The following C19orf18 variants were observed in gnomAD, a reference collection of about 807,000 sequenced individuals.
C19orf18 encodes uncharacterized protein C19orf18.
C19orf18 carries 21 observed loss-of-function variants against 23.3 expected under a neutral mutation model. The observed-to-expected ratio is 0.90, with a 90% CI of 0.64 to 1.30. The LOEUF (loss-of-function observed/expected upper bound fraction) is 1.30, where lower values mean the gene tolerates loss of function less well. Ranked by LOEUF, C19orf18 falls within the 50% of genes most tolerant of loss-of-function variation. The pLI, the probability that C19orf18 is intolerant of heterozygous loss-of-function variation, is 0.00. For missense variants in C19orf18, 249 were observed against 259.6 expected (o/e 0.96, Z 0.28); for synonymous variants, 96 against 95.2 (o/e 1.01, Z -0.05).
At chr19:57,969,579 A>G (rs997997923) in intron 3 of C19orf18, among the ~76,000 whole-genome samples, 5 of 126,512 alleles carry the variant, frequency 4.0e-5, no homozygotes, top group Non-Finnish European at 7.6e-5. Flanking sequence ...AAAAAAAAAA[A>G]AAAAAAAAAA....
Position 57,973,849 on chromosome 19 carries a change from T to C in C19orf18, c.226+250A>G, listed in dbSNP as rs894056141. ...GACAGGCATACCTGTGTAATCTGGATGGGATCAAGGTTTTTGTGTGCGCTT... is the reference window on the plus strand; with the variant it reads ...GACAGGCATACCTGTGTAATCTGGACGGGATCAAGGTTTTTGTGTGCGCTT... On this transcript the variant is annotated intron_variant, in intron 2 of 5. Coordinates refer to ENST00000314391, the MANE Select transcript of C19orf18 (RefSeq NM_152474.5). Among the ~76,000 whole-genome samples the C allele has an allele frequency of 3.3e-5, 5 of 152,228 alleles. No homozygotes were observed. The East Asian group carries it at 7.7e-4, about 24-fold the overall frequency.
chr19:57,960,425 CAAA>C (rs34335308), intron 5 of C19orf18, among the ~76,000 whole-genome samples: 1,794 of 94,144 alleles, frequency 0.019, 44 homozygotes, highest in African/African-American at 0.058. Context: ...GACTCCGCCT[CAAA>C]AAAAAAAAAA....
chr19:57,973,393 C>T (rs899080452), intron 2 of C19orf18, among the ~76,000 whole-genome samples: 8 of 151,932 alleles, frequency 5.3e-5, no homozygotes, highest in African/African-American at 1.9e-4. Flanking sequence ...CAAACATCCT[C>T]TAGTACTCAA....
chr19:57,962,806 G>A (rs2072882589), intron 4 of C19orf18, among the ~76,000 whole-genome samples: 1 of 151,542 alleles, frequency 6.6e-6, no homozygotes, highest in African/African-American at 2.4e-5. Context: ...GCAATGAGCT[G>A]AGATGGTGCC....
Position 57,958,594 on chromosome 19 carries a change from G to T in C19orf18, c.*8C>A. The T allele has an allele frequency of 6.4e-7, 1 of 1,568,410 alleles. No homozygotes were observed. Among genetic ancestry groups the T allele is most frequent in the Non-Finnish European group, 8.7e-7 (1 of 1,147,246 alleles). ...CTCTGCCTCAGCCGGCACCTCTGTC[G>T]TCTGCGTTCACAAGTCTTCCATTTT... On this transcript the variant is annotated 3_prime_UTR_variant, in exon 6 of 6. Coordinates refer to ENST00000314391, the MANE Select transcript of C19orf18 (RefSeq NM_152474.5).
intron 4 of C19orf18, among the ~76,000 whole-genome samples, chr19:57,965,117 T>TTTTATTTATTTA (rs59561103): frequency 0.066 from 9,669 of 145,956 alleles, 905 homozygotes; most frequent in African/African-American, 0.2. Context: ...GTTCTTTTTA[T>TTTTATTTATTTA]TTTATTTATT....
At chr19:57,968,442 T>C (rs1197812513) in intron 3 of C19orf18, among the ~76,000 whole-genome samples, 1 of 152,166 alleles carries the variant, frequency 6.6e-6, no homozygotes, top group East Asian at 1.9e-4. Flanking sequence ...AGCCTTGGCA[T>C]GGACGGTTCA....
Position 57,966,579 on chromosome 19 carries a change from C to G in C19orf18, c.322G>C (p.Ala108Pro). 1 of 1,613,408 alleles carries G rather than the reference C, an allele frequency of 6.2e-7. No individual in the cohort carries two copies. The highest frequency in any genetic ancestry group is 8.5e-7 in the Non-Finnish European group (1 of 1,179,534). Residue 108 changes from alanine (A) to proline (P), a missense_variant, in exon 4 of 6, where the codon GCC becomes CCC. Physicochemically the swap from Ala to Pro is conservative, Grantham distance 27. Transcript: ENST00000314391. ...CCACATATCAGGGCAATGCTGAAGG[C>G]TACGCTCGAAATTAAAATTACTTTA... ...LVKVILISSVAFSIALICGMA... is the reference protein window; with the variant it reads ...LVKVILISSVPFSIALICGMA...
At position 57,972,498 on chromosome 19, in the gene C19orf18, G is replaced by T. The variant is rs758741294; in HGVS notation, c.233C>A (p.Ser78Tyr). The T allele has an allele frequency of 1.2e-6, 2 of 1,614,104 alleles. No individual in the cohort carries two copies. The highest frequency in any genetic ancestry group is 2.2e-5 in the East Asian group (1 of 44,874). The change falls in exon 3 of 6, where the codon TCC (serine) becomes TAC (tyrosine). Residue 78 changes from serine to tyrosine, a missense_variant. Transcript: ENST00000314391. The stretch of plus-strand genomic sequence containing the variant: ...CAGGAATTTCATGGGGTTCGTAGGG[G>T]ATGCAGCTAAAAGGCCATCAAAGGG... ...QGAASRSTAA[S>Y]PTNPMKFLRN...
At chr19:57,971,517 C>G (rs1400356932) in intron 3 of C19orf18, among the ~76,000 whole-genome samples, 1 of 152,104 alleles carries the variant, frequency 6.6e-6, no homozygotes, top group Non-Finnish European at 1.5e-5. Flanking sequence ...GTTGCCCAGG[C>G]TAGAGTGCAG....
chr19:57,973,145 CAAAAAAAAAAAAAAAAAAAAA>C (rs61625681), intron 2 of C19orf18, among the ~76,000 whole-genome samples: 38 of 24,186 alleles, frequency 1.6e-3, no homozygotes, highest in Middle Eastern at 0.05. Flanking sequence ...GACTCCGTCT[CAAAAAAAAAAAAAAAAAAAAA>C]AAAAAAAAAA....
At chr19:57,967,117 C>T (rs1474481107) in intron 3 of C19orf18, among the ~76,000 whole-genome samples, 1 of 150,746 alleles carries the variant, frequency 6.6e-6, no homozygotes. Flanking sequence ...CTGAAACAGA[C>T]CATTGGGGAT....
chr19:57,962,569 T>C lies in C19orf18; in HGVS notation c.372-1018A>G, dbSNP rs576794535. Among the ~76,000 whole-genome samples, 23 of 152,228 alleles carry C rather than the reference T, an allele frequency of 1.5e-4. 1 individual carries two copies. The East Asian group carries it at 2.9e-3, about 19-fold the overall frequency. ...TGAATTATATATTAAAAAAATACTT[T>C]TAGGGGCCAGGCGCGGTGGCTCACG... is the stretch of plus-strand genomic sequence containing the variant. On this transcript the variant is annotated intron_variant, in intron 4 of 5. Coordinates refer to ENST00000314391, the MANE Select transcript of C19orf18 (RefSeq NM_152474.5).
chr19:57,958,831 A>G, intron 5 of C19orf18, 114 bp from the exon 6 acceptor site: 1 of 556,818 alleles, frequency 1.8e-6, no homozygotes, highest in East Asian at 3.2e-5. Flanking sequence ...TGGAATTTTC[A>G]GAGGATTCAT....
At chr19:57,970,598 T>C (rs2123233372) in intron 3 of C19orf18, among the ~76,000 whole-genome samples, 1 of 152,256 alleles carries the variant, frequency 6.6e-6, no homozygotes. Context: ...TTTTTTTTTT[T>C]TGTTACAGAG....
chr19:57,965,840 T>C (rs1174347465), intron 4 of C19orf18, among the ~76,000 whole-genome samples: 2 of 152,124 alleles, frequency 1.3e-5, no homozygotes, highest in African/African-American at 4.8e-5. Flanking sequence ...CTTTCAAGCA[T>C]TTTTGATCAT....
chr19:57,971,934 T>C (rs2072947419), intron 3 of C19orf18, among the ~76,000 whole-genome samples: 1 of 152,126 alleles, frequency 6.6e-6, no homozygotes. Context: ...CATATGTGAT[T>C]AAATAAAATG....
chr19:57,964,492 C>T (rs1308027410), intron 4 of C19orf18, among the ~76,000 whole-genome samples: 5 of 152,216 alleles, frequency 3.3e-5, no homozygotes, highest in East Asian at 1.9e-4. Flanking sequence ...ATGTTGCCCA[C>T]GCTGGTCTCA....
chr19:57,972,389 C>G (rs2072951034), intron 3 of C19orf18, 74 bp downstream of exon 3: 10 of 1,555,244 alleles, frequency 6.4e-6, no homozygotes, highest in Non-Finnish European at 8.8e-6. Flanking sequence ...CAGCCAGCAC[C>G]CTCTGGAGCC....
Sources: allele counts gnomAD v4.1 joint callset (sites outside exome capture counted in the v4.1 genomes callset), GRCh38; gene constraint gnomAD v4.1.1; transcripts MANE v1.5; gene names NCBI Gene and HGNC (gene_info 2026-07-23, HGNC 2026-07-21).